Variants in RSPH10B observed in about 807,000 individuals in gnomAD.
The protein encoded by RSPH10B is radial spoke head 10 homolog B, also known as radial spoke head 10 homolog B (Chlamydomonas).
In RSPH10B, 7 loss-of-function variants were observed where a neutral mutation model predicts 52.5. The ratio of observed to expected loss-of-function variants is 0.13; its 90% CI spans 0.08 to 0.25. The LOEUF is 0.25. Among genes scored for constraint, RSPH10B ranks in the 10% least tolerant of loss-of-function variants. RSPH10B has a pLI of 1.00. For synonymous variants in RSPH10B, 28 were observed against 193.2 expected (o/e 0.14, Z 7.09); for missense variants, 89 against 542.5 (o/e 0.16, Z 8.30).
At chr7:5,964,962 C>T (rs2128642402) in intron 2 of RSPH10B, among the ~76,000 whole-genome samples, 1 of 82,710 alleles carries the variant, frequency 1.2e-5, no homozygotes, top group East Asian at 4.3e-4. Flanking sequence ...ATTTCACATG[C>T]GTGAAGATGC....
At chr7:5,942,893 T>A (rs111819135) in intron 13 of RSPH10B, among the ~76,000 whole-genome samples, 1 of 133,682 alleles carries the variant, frequency 7.5e-6, no homozygotes, top group African/African-American at 2.8e-5. Context: ...ATATATATAT[T>A]TATTATATAT....
intron 18 of RSPH10B, among the ~76,000 whole-genome samples, chr7:5,927,165 C>T (rs1197747090): frequency 7.1e-6 from 1 of 141,040 alleles, no homozygotes; most frequent in African/African-American, 2.7e-5. Context: ...AAACAAATCA[C>T]TGCAGCCTCA....
chr7:5,954,211 T>G (rs1184483289), intron 7 of RSPH10B, among the ~76,000 whole-genome samples: 1 of 101,942 alleles, frequency 9.8e-6, no homozygotes, highest in African/African-American at 3.7e-5. Flanking sequence ...CAGTCTTAAC[T>G]CACTGCAACC....
Position 5,938,414 on chromosome 7 carries a change from CA to C in RSPH10B, c.1866+307del, listed in dbSNP as rs563728539. 3.1e-3 allele frequency among the ~76,000 whole-genome samples: 347 copies of C among 112,932 alleles called. 1 individual carries two copies. Among genetic ancestry groups the C allele is most frequent in the South Asian group, 9.7e-3 (38 of 3,912 alleles). The allele number at this position is 112,932 out of a possible 152,430, so 74.1% of individuals were successfully genotyped here. ...AACTCCGTCTCTACTAAAAAAAATACAAAAAAAAAAAAAATTAGCCGGGCGT... is the reference window on the plus strand; with the variant it reads ...AACTCCGTCTCTACTAAAAAAAATACAAAAAAAAAAAAATTAGCCGGGCGT... On this transcript the variant is annotated intron_variant, in intron 14 of 18. Coordinates refer to ENST00000337579, the Ensembl canonical transcript of RSPH10B.
intron 18 of RSPH10B, among the ~76,000 whole-genome samples, chr7:5,927,016 A>G (rs1488363970): frequency 1.7e-5 from 2 of 120,626 alleles, no homozygotes; most frequent in South Asian, 2.6e-4. Flanking sequence ...CGGCCTCCCA[A>G]AGTTACGTGT....
intron 11 of RSPH10B, 115 bp downstream of exon 13, chr7:5,944,949 C>G (rs199905813): frequency 1.5e-4 from 78 of 533,074 alleles, no homozygotes; most frequent in South Asian, 9.4e-4. Context: ...GGCGACAGAG[C>G]AAGACTCCAT....
chr7:5,942,765 G>T (rs1780262140), intron 13 of RSPH10B, among the ~76,000 whole-genome samples: 1 of 150,822 alleles, frequency 6.6e-6, no homozygotes, highest in South Asian at 2.1e-4. Context: ...TGGAGGCTGA[G>T]GCAGGAGAAT....
At chr7:5,928,705 C>G (rs1779661714) in intron 17 of RSPH10B, among the ~76,000 whole-genome samples, 1 of 149,072 alleles carries the variant, frequency 6.7e-6, no homozygotes, top group African/African-American at 2.5e-5. Flanking sequence ...GATCTCTGCT[C>G]ACTGCAACCT....
chr7:5,943,350 T>C, exon 13 of RSPH10B: 1 of 1,584,426 alleles, frequency 6.3e-7, no homozygotes, highest in Non-Finnish European at 8.6e-7. Flanking sequence ...AAGTGTCTCA[T>C]CTTCATCGTA....
chr7:5,942,236 T>G (rs954632442), intron 13 of RSPH10B, among the ~76,000 whole-genome samples: 2 of 142,138 alleles, frequency 1.4e-5, no homozygotes, highest in African/African-American at 5.2e-5. Context: ...TCAAAAAGAC[T>G]AAGGTGTTCC....
chr7:5,931,997 AAAAAG>A lies in RSPH10B; in HGVS notation c.2233+780_2233+784del, dbSNP rs1214446483. ...AAGTAAAACCCTGTCTCAAAAAAAG[AAAAAG>A]AAAAGAAAAGAAAAGGGGAAACACC... On this transcript the variant is annotated intron_variant, in intron 17 of 18. Transcript: ENST00000337579. Among the ~76,000 whole-genome samples the A allele has an allele frequency of 4.8e-4, 72 of 150,992 alleles. 2 individuals carry two copies. Among genetic ancestry groups the A allele is most frequent in the Middle Eastern group, 3.4e-3 (1 of 294 alleles).
At position 5,967,079 on chromosome 7, in the gene RSPH10B, TC is replaced by T. The variant is rs770072377; in HGVS notation, c.37del (p.Glu13ArgfsTer14). 2 of 824,186 alleles carry T rather than the reference TC, an allele frequency of 2.4e-6. No individual in the cohort carries two copies. Among genetic ancestry groups the T allele is most frequent in the Admixed American group, 2.6e-5 (1 of 39,012 alleles). The allele number at this position is 824,186 out of a possible 1,614,324, so 51.1% of individuals were successfully genotyped here. On this transcript the variant is annotated frameshift_variant, in exon 1 of 19. Transcript: ENST00000337579. LOFTEE classifies it high-confidence loss of function. ...AGATGAGGGAGAGCGGGCAGACTTC[TC>T]CCCTTTTTTGTCTGCTTTTTTCTTT...
At chr7:5,957,769 C>G in intron 6 of RSPH10B, 138 bp downstream of exon 8, 9 of 1,186,088 alleles carry the variant, frequency 7.6e-6, no homozygotes, top group Non-Finnish European at 1.0e-5. Context: ...GCACTCCAGC[C>G]TGGGAGACAG....
intron 13 of RSPH10B, among the ~76,000 whole-genome samples, chr7:5,941,205 G>A (rs559883704): frequency 6.9e-4 from 98 of 141,770 alleles, no homozygotes; most frequent in African/African-American, 2.5e-3. Context: ...AGGAGGCTGA[G>A]GTGGGAGGAT....
chr7:5,944,569 G>A (rs1780391599), intron 11 of RSPH10B, among the ~76,000 whole-genome samples: 1 of 147,918 alleles, frequency 6.8e-6, no homozygotes, highest in Non-Finnish European at 1.5e-5. Context: ...AGATATGAAG[G>A]GCTTTCAAAG....
rs755187713 is a variant in RSPH10B, at chr7:5,927,050, ATGTG to A, written c.2433-506_2433-503del. On this transcript the variant is annotated intron_variant, in intron 18 of 18. Transcript: ENST00000337579. ...GTGTGTGTGTGTGTGTGTGTGTATT[ATGTG>A]TGTGTGTGTGTGTATATGTGTGTGT... Among the ~76,000 whole-genome samples, 117 of 56,120 alleles carry A rather than the reference ATGTG, an allele frequency of 2.1e-3. 4 individuals are homozygous for A. The highest frequency in any genetic ancestry group is 4.9e-3 in the South Asian group (8 of 1,632). 36.8% of individuals were successfully genotyped at this position (56,120 alleles called of 152,430 possible).
chr7:5,933,530 CAG>C (rs1479806625), intron 16 of RSPH10B, among the ~76,000 whole-genome samples: 5 of 140,828 alleles, frequency 3.6e-5, no homozygotes, highest in South Asian at 2.2e-4. Flanking sequence ...GAGGCCGAGA[CAG>C]GTGGATCACA....
At chr7:5,947,719 A>ACAAAAC (rs1420916127) in intron 10 of RSPH10B, among the ~76,000 whole-genome samples, 2 of 80,874 alleles carry the variant, frequency 2.5e-5, no homozygotes, top group African/African-American at 4.7e-5. Flanking sequence ...CTGTCTCAAA[A>ACAAAAC]AAAACAAAAC....
At chr7:5,938,395 G>T (rs1178387819) in intron 14 of RSPH10B, among the ~76,000 whole-genome samples, 1 of 123,384 alleles carries the variant, frequency 8.1e-6, no homozygotes, top group African/African-American at 2.9e-5. Flanking sequence ...GTGAAACTCC[G>T]TCTCTACTAA....
Sources: allele counts gnomAD v4.1 joint callset (sites outside exome capture counted in the v4.1 genomes callset), GRCh38; gene constraint gnomAD v4.1.1; transcripts MANE v1.5; gene names NCBI Gene and HGNC (gene_info 2026-07-23, HGNC 2026-07-21).